TAF6L: variants seen among roughly 807,000 people sequenced by gnomAD.
TAF6L encodes TATA-box binding protein associated factor 6 like.
TAF6L carries 34 observed loss-of-function variants against 57.3 expected under a neutral mutation model. That is an observed-to-expected ratio of 0.59 (90% CI 0.45 to 0.79). The LOEUF (loss-of-function observed/expected upper bound fraction) is 0.79. Ranked by LOEUF, TAF6L falls within the 30% of genes least tolerant of loss-of-function variation. The probability of loss-of-function intolerance (pLI) is 0.00; values close to 1 mark genes in which losing one functional copy is unlikely to be tolerated. For missense variants in TAF6L, 782 were observed against 853.2 expected (o/e 0.92, Z 1.04); for synonymous variants, 417 against 376.3 (o/e 1.11, Z -1.25).
intron 9 of TAF6L, among the ~76,000 whole-genome samples, chr11:62,783,469 G>A (rs1286118479): frequency 1.3e-5 from 2 of 149,294 alleles, no homozygotes; most frequent in African/African-American, 4.9e-5. Flanking sequence ...GCGACAGAGC[G>A]AGACTCTGTC....
rs775720667 is a variant in TAF6L at position 62,778,818 on chromosome 11, G to A, written c.437-51G>A. 6 of 1,522,774 alleles carry A rather than the reference G, an allele frequency of 3.9e-6. No individual in the cohort carries two copies. The South Asian group carries it at 6.7e-5, about 17-fold the overall frequency. 94.3% of individuals were successfully genotyped at this position (1,522,774 alleles called of 1,614,324 possible). A position where few individuals can be genotyped will look rare whatever the true frequency, so the allele number is the denominator to read the frequency against. On this transcript the variant is annotated intron_variant, in intron 5 of 10. Transcript: ENST00000294168. The stretch of plus-strand genomic sequence containing the variant: ...GAGGGGGAGGAGGCTGGAGAGGCCA[G>A]GAGAGGGCCAGCTCTCCACCTGTCC...
intron 3 of TAF6L, among the ~76,000 whole-genome samples, chr11:62,777,117 A>G (rs1189350323): frequency 2.0e-5 from 3 of 151,862 alleles, no homozygotes; most frequent in Non-Finnish European, 2.9e-5. Flanking sequence ...ACTGTACTCC[A>G]GCCTGGGTGA....
At chr11:62,774,560 G>A (rs766930480) in intron 1 of TAF6L, 3 of 454,518 alleles carry the variant, frequency 6.6e-6, no homozygotes, top group Non-Finnish European at 1.3e-5. Context: ...CCTGTCTGAG[G>A]TGTGGATGCA....
intron 1 of TAF6L, among the ~76,000 whole-genome samples, chr11:62,775,078 AAAG>A (rs2084176387): frequency 1.3e-5 from 2 of 151,576 alleles, no homozygotes; most frequent in Non-Finnish European, 2.9e-5. Flanking sequence ...AAAAAAAAAA[AAAG>A]AAAAGACTGG....
chr11:62,786,641 C>G lies in TAF6L; in HGVS notation c.1214C>G (p.Ser405Trp), dbSNP rs149852639. The change falls in exon 11 of 11, where the codon TCG becomes TGG. Residue 405 changes from serine (S) to tryptophan (W), a missense_variant. By Grantham distance (177) the Ser-to-Trp change is radical. Transcript: ENST00000294168. ...TGGGACAGCCTTCTCTTTCAAGAGT[C>G]GTCCTCCGGGGGCGGTGCAGAACCC... Reference protein sequence around the residue: ...LPWDSLLFQESSSGGGAEPSF... With the variant: ...LPWDSLLFQEWSSGGGAEPSF... The G allele has an allele frequency of 2.3e-3, 3,692 of 1,602,832 alleles. 7 individuals are homozygous for G. The highest frequency in any genetic ancestry group is 3.0e-3 in the Non-Finnish European group (3,478 of 1,174,950).
chr11:62,787,210 G>A lies in TAF6L; in HGVS notation c.1783G>A (p.Val595Met). 6.3e-7 allele frequency: 1 copy of A among 1,587,960 alleles called. No individual in the cohort carries two copies. The highest frequency in any genetic ancestry group is 1.7e-5 in the Admixed American group (1 of 59,188). The change falls in exon 11 of 11, where the codon GTG becomes ATG. Residue 595 changes from valine to methionine, a missense_variant. Transcript: ENST00000294168. ...CGGGCCTAGCCCGGCCTCGCGCTAC[G>A]TGCAGAAACTGCCCATGATCGGCCG... is the stretch of plus-strand genomic sequence containing the variant. ...PYGPSPASRYVQKLPMIGRTS... is the reference protein window; with the variant it reads ...PYGPSPASRYMQKLPMIGRTS...
chr11:62,777,930 T>G, intron 3 of TAF6L, 48 bp from the exon 4 acceptor site: 2 of 1,603,064 alleles, frequency 1.2e-6, no homozygotes, highest in Non-Finnish European at 1.7e-6. Context: ...TCCTGACGCC[T>G]GCTCCCTCCC....
At chr11:62,782,482 A>G (rs549288404) in intron 8 of TAF6L, 149 bp downstream of exon 8, 3 of 1,039,826 alleles carry the variant, frequency 2.9e-6, no homozygotes, top group Non-Finnish European at 4.1e-6. Flanking sequence ...GTGCTGTGAC[A>G]CACTGGGATT....
chr11:62,784,306 ATTTTTTT>A, intron 9 of TAF6L, among the ~76,000 whole-genome samples: 1 of 118,780 alleles, frequency 8.4e-6, no homozygotes, highest in Admixed American at 8.8e-5. Flanking sequence ...TATATTCTTA[ATTTTTTT>A]TTTTTTTTTG....
chr11:62,780,426 G>A (rs1228798342), intron 6 of TAF6L, among the ~76,000 whole-genome samples: 7 of 151,940 alleles, frequency 4.6e-5, no homozygotes, highest in South Asian at 4.1e-4. Flanking sequence ...CAGGAGAATC[G>A]CTTGAACCTG....
chr11:62,781,379 A>G (rs965752405), intron 6 of TAF6L, among the ~76,000 whole-genome samples: 2 of 152,074 alleles, frequency 1.3e-5, no homozygotes, highest in African/African-American at 2.4e-5. Flanking sequence ...TTTCTCAGTT[A>G]AAAATGTTGG....
chr11:62,785,691 C>T (rs369706728), intron 9 of TAF6L, among the ~76,000 whole-genome samples: 21 of 151,960 alleles, frequency 1.4e-4, no homozygotes, highest in South Asian at 6.2e-4. Flanking sequence ...ACTGCTACTG[C>T]GCCCAGCTAA....
chr11:62,778,043 C>T lies in TAF6L; in HGVS notation c.300C>T (p.Tyr100=). Residue 100 remains tyrosine (Y), a synonymous_variant, in exon 4 of 11, where the codon TAC becomes TAT. Coordinates refer to ENST00000294168, the MANE Select transcript of TAF6L (RefSeq NM_006473.4). The part of the protein sequence containing the change: ...PMRPAREGEL[Y]FPEDREVNLV... ...GCCCCGCCAGGGAGGGTGAACTCTACTTTCCTGAGGATCGAGAGGTGAACC... is the reference window on the plus strand; with the variant it reads ...GCCCCGCCAGGGAGGGTGAACTCTATTTTCCTGAGGATCGAGAGGTGAACC... 22 of 1,614,172 alleles carry T rather than the reference C, an allele frequency of 1.4e-5. No homozygotes were observed. The highest frequency in any genetic ancestry group is 1.9e-5 in the Non-Finnish European group (22 of 1,180,034).
chr11:62,782,439 G>T, intron 8 of TAF6L, 106 bp downstream of exon 8: 1 of 1,284,922 alleles, frequency 7.8e-7, no homozygotes, highest in East Asian at 2.4e-5. Context: ...TGAGAAGATG[G>T]GGAACCTTTT....
Position 62,786,571 on chromosome 11 carries a change from G to A in TAF6L, c.1144G>A (p.Gly382Ser). The change falls in exon 11 of 11, where the codon GGT becomes AGT. Residue 382 changes from glycine (G) to serine (S), a missense_variant. Physicochemically the swap from Gly to Ser is moderately conservative, Grantham distance 56. Transcript: ENST00000294168. ...GGCCCAGGCAGCAGAGCCCAACAGGGGTGGCCCAGGTGGCAGGGGGTGCCG... is the reference window on the plus strand; with the variant it reads ...GGCCCAGGCAGCAGAGCCCAACAGGAGTGGCCCAGGTGGCAGGGGGTGCCG... ...MKAQAAEPNR[G>S]GPGGRGCRRL... 1 of 1,569,480 alleles carries A rather than the reference G, an allele frequency of 6.4e-7. No individual in the cohort carries two copies. Among genetic ancestry groups the A allele is most frequent in the Non-Finnish European group, 8.6e-7 (1 of 1,158,786 alleles).
rs544359056 is a variant in TAF6L, at chr11:62,773,193, G to C, written c.-14+1703G>C. On this transcript the variant is annotated intron_variant, in intron 1 of 10. Transcript: ENST00000294168. ...GATGGAGTCTTGCTCTGTCGCCCAG[G>C]CTGGAGTGCAGTGGTGCGATCTTGG... Among the ~76,000 whole-genome samples, 15 of 151,554 alleles carry C rather than the reference G, an allele frequency of 9.9e-5. No individual in the cohort carries two copies. In the East Asian group the frequency reaches 2.7e-3, roughly 28 times the overall value.
rs767026164 is a variant in TAF6L at position 62,787,273 on chromosome 11, T to C, written c.1846T>C (p.Tyr616His). 3.9e-6 allele frequency: 6 copies of C among 1,551,814 alleles called. No homozygotes were observed. The highest frequency in any genetic ancestry group is 4.3e-6 in the Non-Finnish European group (5 of 1,157,778). Residue 616 changes from tyrosine (Y) to histidine (H), a missense_variant, in exon 11 of 11, where the codon TAC (tyrosine) becomes CAC (histidine). This residue lies in a region of TAF6L where 483 missense variants were observed against 445.1 expected (regional missense o/e 1.09). Transcript: ENST00000294168. The part of the protein sequence containing the change: ...RPARRWALSD[Y>H]SLYLPL Reference sequence around the variant, plus strand: ...CGCCCGCCGGTGGGCGCTCTCGGACTACTCGCTGTACTTGCCGCTCTGAGT... The same window carrying C: ...CGCCCGCCGGTGGGCGCTCTCGGACCACTCGCTGTACTTGCCGCTCTGAGT...
intron 1 of TAF6L, 153 bp from the exon 2 acceptor site, chr11:62,775,618 C>G: frequency 2.6e-6 from 2 of 775,558 alleles, no homozygotes; most frequent in Non-Finnish European, 4.0e-6. Context: ...GTTTCCTTCT[C>G]TGAGCCTCAC....
At chr11:62,773,292 C>T (rs1216189349) in intron 1 of TAF6L, among the ~76,000 whole-genome samples, 1 of 151,626 alleles carries the variant, frequency 6.6e-6, no homozygotes, top group Non-Finnish European at 1.5e-5. Context: ...GGACTACAGG[C>T]GCGGACCACC....
Sources: gnomAD v4.1 joint callset for allele counts (sites outside exome capture counted in the v4.1 genomes callset) on GRCh38, gnomAD v4.1.1 for gene constraint, gnomAD v4.1.1 regional missense constraint, MANE v1.5 for transcripts, NCBI Gene and HGNC (gene_info 2026-07-23, HGNC 2026-07-21) for gene names.